USP48: variants seen among roughly 807,000 people sequenced by gnomAD.
The protein encoded by USP48 is ubiquitin carboxyl-terminal hydrolase 48.
In USP48, 43 loss-of-function variants were observed where a neutral mutation model predicts 150.7. That is an observed-to-expected ratio of 0.29 (90% confidence interval 0.22 to 0.37). The LOEUF is 0.37. Ranked by LOEUF, USP48 falls within the 10% of genes least tolerant of loss-of-function variation. The pLI, the probability that USP48 is intolerant of heterozygous loss-of-function variation, is 1.00. For synonymous variants in USP48, 396 were observed against 425.9 expected, an observed-to-expected ratio of 0.93 and a Z score of 0.86; for missense variants, 813 against 1,249.6, an observed-to-expected ratio of 0.65 and a Z score of 5.27.
chr1:21,722,572 T>C (rs1202247378), intron 12 of USP48, among the ~76,000 whole-genome samples: 1 of 146,560 alleles, frequency 6.8e-6, no homozygotes, highest in East Asian at 2.0e-4. Context: ...GGGCCAGATA[T>C]GGTGGCCCAT....
chr1:21,707,300 C>T (rs1300500273), intron 15 of USP48, among the ~76,000 whole-genome samples: 1 of 152,122 alleles, frequency 6.6e-6, no homozygotes. Flanking sequence ...GACTTTATTG[C>T]CTCCCATTTG....
intron 14 of USP48, among the ~76,000 whole-genome samples, chr1:21,718,015 C>T (rs1470736795): frequency 1.3e-5 from 2 of 152,158 alleles, no homozygotes; most frequent in Non-Finnish European, 2.9e-5. Flanking sequence ...AATGAAGCCC[C>T]TAATATGCAT....
intron 23 of USP48, 127 bp from the exon 24 acceptor site, chr1:21,690,226 T>C (rs1618590): frequency 0.99 from 1,092,322 of 1,097,880 alleles, 543,521 homozygotes; most frequent in Non-Finnish European, 1. Flanking sequence ...ACCACTATTG[T>C]TTACAGTCAG....
intron 14 of USP48, among the ~76,000 whole-genome samples, chr1:21,716,222 C>T (rs2097703896): frequency 6.6e-6 from 1 of 152,042 alleles, no homozygotes; most frequent in Admixed American, 6.5e-5. Context: ...CACTTTGTGG[C>T]TTCTTTTTGA....
intron 8 of USP48, among the ~76,000 whole-genome samples, chr1:21,740,973 AAATG>A (rs1165685553): frequency 1.3e-5 from 2 of 152,234 alleles, no homozygotes; most frequent in African/African-American, 4.8e-5. Context: ...AATGCAGGAC[AAATG>A]AATGAAGAGT....
Position 21,721,580 on chromosome 1 carries a change from C to T in USP48, c.1763+70G>A, listed in dbSNP as rs1043192159. On this transcript the variant is annotated intron_variant, in intron 13 of 26. Transcript: ENST00000308271. The stretch of plus-strand genomic sequence containing the variant: ...CCAACTTCCTATTTTTAATAAATAA[C>T]GAGATGCTTGGTTATGACCTCTTGA... 1.2e-5 allele frequency: 11 copies of T among 953,626 alleles called. No homozygotes were observed. In the East Asian group the frequency reaches 1.7e-4, roughly 15 times the overall value. The allele number at this position is 953,626 out of a possible 1,614,324, so 59.1% of individuals were successfully genotyped here.
intron 13 of USP48, 54 bp downstream of exon 13, chr1:21,721,596 G>C: frequency 9.1e-7 from 1 of 1,103,676 alleles, no homozygotes; most frequent in Non-Finnish European, 1.3e-6. Context: ...GCTTGGTTAT[G>C]ACCTCTTGAA....
At chr1:21,717,264 C>T (rs894412748) in intron 14 of USP48, among the ~76,000 whole-genome samples, 13 of 151,720 alleles carry the variant, frequency 8.6e-5, no homozygotes, top group Non-Finnish European at 1.2e-4. Flanking sequence ...ATTATCTGGG[C>T]GTGGTGGCAC....
At position 21,719,799 on chromosome 1, in the gene USP48, A is replaced by G. The variant is rs540483758; in HGVS notation, c.1894+1237T>C. On this transcript the variant is annotated intron_variant, in intron 14 of 26. Coordinates refer to ENST00000308271, the MANE Select transcript of USP48 (RefSeq NM_032236.8). ...GGAGAGCCGCTTGAACCCAGGAGGC[A>G]GAGGTTGCAGTGAGGCGGAGATTGC... 3.3e-5 allele frequency among the ~76,000 whole-genome samples: 5 copies of G among 152,250 alleles called. No homozygotes were observed. In the South Asian group the frequency reaches 6.2e-4, roughly 19 times the overall value.
chr1:21,683,944 C>T (rs1200560392), intron 25 of USP48, among the ~76,000 whole-genome samples: 2 of 152,128 alleles, frequency 1.3e-5, no homozygotes, highest in African/African-American at 4.8e-5. Context: ...ACCCATGTTG[C>T]TGCAAATGAC....
chr1:21,713,151 G>A (rs1187755350), intron 15 of USP48, among the ~76,000 whole-genome samples: 2 of 151,312 alleles, frequency 1.3e-5, no homozygotes, highest in African/African-American at 4.9e-5. Context: ...CGCCCAGGCT[G>A]GAGTACAGTG....
chr1:21,692,274 G>T (rs2097604334), intron 23 of USP48, among the ~76,000 whole-genome samples: 1 of 152,042 alleles, frequency 6.6e-6, no homozygotes, highest in Admixed American at 6.6e-5. Context: ...CAATAAGCAG[G>T]AGTACTGACA....
chr1:21,767,316 T>C (rs1557604794), intron 1 of USP48, among the ~76,000 whole-genome samples: 1 of 152,048 alleles, frequency 6.6e-6, no homozygotes, highest in Admixed American at 6.6e-5. Context: ...GCCTGGGACC[T>C]TTTTTATTTT....
intron 26 of USP48, 101 bp downstream of exon 26, chr1:21,680,707 G>T: frequency 8.7e-7 from 1 of 1,148,928 alleles, no homozygotes; most frequent in Non-Finnish European, 1.2e-6. Flanking sequence ...ATGAGACTCA[G>T]ATTGGATTAA....
chr1:21,766,689 T>TTTTA (rs1471349946), intron 1 of USP48, among the ~76,000 whole-genome samples: 1 of 152,166 alleles, frequency 6.6e-6, no homozygotes, highest in Non-Finnish European at 1.5e-5. Flanking sequence ...GTTTCTTAGT[T>TTTTA]TTTATTTATT....
chr1:21,771,430 A>T (rs1260760546), intron 1 of USP48, among the ~76,000 whole-genome samples: 1 of 148,364 alleles, frequency 6.7e-6, no homozygotes, highest in East Asian at 1.9e-4. Context: ...ATTATTTTAT[A>T]ATTTTATAAT....
At chr1:21,707,752 G>C (rs1241392103) in intron 15 of USP48, among the ~76,000 whole-genome samples, 2 of 152,140 alleles carry the variant, frequency 1.3e-5, no homozygotes, top group Non-Finnish European at 2.9e-5. Flanking sequence ...GATTTATTAA[G>C]AGTAATAAAG....
intron 1 of USP48, among the ~76,000 whole-genome samples, chr1:21,771,081 G>A (rs1557612713): frequency 1.3e-5 from 2 of 152,042 alleles, no homozygotes; most frequent in Admixed American, 6.6e-5. Context: ...AGCTAAGATC[G>A]TGGCACTGCA....
chr1:21,682,516 A>G (rs2097568724), intron 25 of USP48, among the ~76,000 whole-genome samples: 1 of 151,192 alleles, frequency 6.6e-6, no homozygotes, highest in Non-Finnish European at 1.5e-5. Flanking sequence ...TCCTCGACAT[A>G]TCTTGGTCCC....
Sources: allele counts gnomAD v4.1 joint callset (sites outside exome capture counted in the v4.1 genomes callset), GRCh38; gene constraint gnomAD v4.1.1; transcripts MANE v1.5; gene names NCBI Gene and HGNC (gene_info 2026-07-23, HGNC 2026-07-21).